The following WDR72 variants were observed in gnomAD, a reference collection of about 807,000 sequenced individuals.
WDR72 encodes the protein WD repeat domain 72, also known as WD repeat-containing protein 72.
Under a neutral mutation model 124.2 loss-of-function variants are expected in WDR72, and 120 were observed. The ratio of observed to expected loss-of-function variants is 0.97; its 90% CI spans 0.83 to 1.12. The LOEUF is 1.12. WDR72 is among the 50% of genes most tolerant of loss of function. The probability of loss-of-function intolerance (pLI) is 0.00; values close to 1 mark genes in which losing one functional copy is unlikely to be tolerated. For missense variants in WDR72, 1,387 were observed against 1,278.8 expected (o/e 1.08, Z -1.29); for synonymous variants, 452 against 441.7 (o/e 1.02, Z -0.29).
At chr15:53,648,230 C>T (rs986702263) in intron 14 of WDR72, among the ~76,000 whole-genome samples, 1 of 152,114 alleles carries the variant, frequency 6.6e-6, no homozygotes, top group African/African-American at 2.4e-5. Flanking sequence ...AGATACTTGT[C>T]TCATGTGTTC....
At chr15:53,525,490 C>T (rs919900870) in intron 18 of WDR72, among the ~76,000 whole-genome samples, 5 of 152,022 alleles carry the variant, frequency 3.3e-5, no homozygotes, top group Non-Finnish European at 7.4e-5. Flanking sequence ...AAATATTTAT[C>T]AAGCACCAAA....
At chr15:53,623,973 T>C (rs758174614) in intron 14 of WDR72, among the ~76,000 whole-genome samples, 4 of 152,178 alleles carry the variant, frequency 2.6e-5, no homozygotes, top group South Asian at 2.1e-4. Flanking sequence ...TCTTGGCCAC[T>C]TGTATGTCTT....
At chr15:53,633,324 G>T (rs7171932) in intron 14 of WDR72, among the ~76,000 whole-genome samples, 53,820 of 151,870 alleles carry the variant, frequency 0.35, 10,704 homozygotes, top group East Asian at 0.54. Context: ...ACGTGCCTAC[G>T]TCCCCTTCAC....
chr15:53,533,247 T>C (rs868672596), intron 18 of WDR72, among the ~76,000 whole-genome samples: 50 of 152,118 alleles, frequency 3.3e-4, no homozygotes, highest in Non-Finnish European at 6.3e-4. Context: ...TATAAGAGTA[T>C]CTCAAGAAGA....
chr15:53,702,563 G>T (rs74696557), intron 11 of WDR72, among the ~76,000 whole-genome samples: 8 of 152,300 alleles, frequency 5.3e-5, no homozygotes, highest in Non-Finnish European at 1.0e-4. Flanking sequence ...AAGCACTACA[G>T]TTAGTTGTTC....
chr15:53,725,933 A>C (rs1266806017), intron 2 of WDR72, among the ~76,000 whole-genome samples: 4 of 151,790 alleles, frequency 2.6e-5, no homozygotes, highest in African/African-American at 7.3e-5. Flanking sequence ...ATTAGCCAGG[A>C]GTGGTAGTAT....
chr15:53,742,234 T>C (rs2018529583), intron 1 of WDR72, among the ~76,000 whole-genome samples: 2 of 152,188 alleles, frequency 1.3e-5, no homozygotes, highest in African/African-American at 4.8e-5. Flanking sequence ...AGCAAATCCA[T>C]GTCTTCTGAT....
chr15:53,576,843 C>T (rs2011641592), intron 18 of WDR72, among the ~76,000 whole-genome samples: 1 of 152,146 alleles, frequency 6.6e-6, no homozygotes, highest in African/African-American at 2.4e-5. Flanking sequence ...GTTTCTCTTC[C>T]TATCTGCCAT....
intron 2 of WDR72, among the ~76,000 whole-genome samples, chr15:53,729,837 C>T (rs1292875159): frequency 6.6e-6 from 1 of 151,992 alleles, no homozygotes; most frequent in Non-Finnish European, 1.5e-5. Context: ...GGTGAGGATA[C>T]AGGGAAATTG....
At chr15:53,543,968 T>A (rs1248844234) in intron 18 of WDR72, among the ~76,000 whole-genome samples, 2 of 151,866 alleles carry the variant, frequency 1.3e-5, no homozygotes, top group Non-Finnish European at 2.9e-5. Context: ...CAGGAAGAAG[T>A]TGAATCTCTG....
At chr15:53,624,825 C>T (rs1404529874) in intron 14 of WDR72, among the ~76,000 whole-genome samples, 1 of 152,080 alleles carries the variant, frequency 6.6e-6, no homozygotes, top group Non-Finnish European at 1.5e-5. Flanking sequence ...TGCTAAAAGT[C>T]TTATTAACAA....
intron 14 of WDR72, among the ~76,000 whole-genome samples, chr15:53,619,346 TA>T (rs1195809734): frequency 6.6e-6 from 1 of 151,522 alleles, no homozygotes; most frequent in African/African-American, 2.4e-5. Context: ...GTGCACTCTT[TA>T]AGAGAGGATT....
chr15:53,664,788 A>G (rs1415851007), intron 14 of WDR72, among the ~76,000 whole-genome samples: 2 of 152,156 alleles, frequency 1.3e-5, no homozygotes, highest in Non-Finnish European at 1.5e-5. Context: ...TAGAGAAACA[A>G]TTTATACCAG....
intron 1 of WDR72, among the ~76,000 whole-genome samples, chr15:53,741,469 T>TATTACCACATTGTAAATACCGTA: frequency 6.6e-6 from 1 of 152,206 alleles, no homozygotes; most frequent in African/African-American, 2.4e-5. Flanking sequence ...TTATAACCGT[T>TATTACCACATTGTAAATACCGTA]ATTACCACAT....
intron 14 of WDR72, among the ~76,000 whole-genome samples, chr15:53,630,948 A>G (rs980211388): frequency 1.3e-5 from 2 of 152,252 alleles, no homozygotes; most frequent in Admixed American, 1.3e-4. Flanking sequence ...ATAATATTGT[A>G]TATAGAAAAC....
chr15:53,521,456 G>A (rs2140206346), intron 19 of WDR72, among the ~76,000 whole-genome samples: 1 of 152,210 alleles, frequency 6.6e-6, no homozygotes, highest in Non-Finnish European at 1.5e-5. Context: ...TGCAGGAAGG[G>A]ACAGAGGAAA....
At chr15:53,560,491 CCCTT>C (rs1894089196) in intron 18 of WDR72, among the ~76,000 whole-genome samples, 1 of 151,786 alleles carries the variant, frequency 6.6e-6, no homozygotes, top group African/African-American at 2.4e-5. Flanking sequence ...GGCGACCCAC[CCCTT>C]CCTTCCTGTG....
chr15:53,653,785 C>T (rs1052799999), intron 14 of WDR72, among the ~76,000 whole-genome samples: 4 of 152,066 alleles, frequency 2.6e-5, no homozygotes, highest in South Asian at 2.1e-4. Flanking sequence ...GTAAACCTTA[C>T]GGGACATCCC....
At chr15:53,640,868 G>T (rs1356031206) in intron 14 of WDR72, among the ~76,000 whole-genome samples, 7 of 151,666 alleles carry the variant, frequency 4.6e-5, no homozygotes, top group African/African-American at 1.7e-4. Context: ...TTCAATTTGT[G>T]AGTCCCTTTA....
Sources: gnomAD v4.1 joint callset for allele counts (sites outside exome capture counted in the v4.1 genomes callset) on GRCh38, gnomAD v4.1.1 for gene constraint, MANE v1.5 for transcripts, NCBI Gene and HGNC (gene_info 2026-07-23, HGNC 2026-07-21) for gene names.